TET2: variants seen among roughly 807,000 people sequenced by gnomAD.
TET2 encodes the protein methylcytosine dioxygenase TET2.
In TET2, 299 loss-of-function variants were observed where a neutral mutation model predicts 142.9. That is an observed-to-expected ratio of 2.09 (90% CI 1.90 to 2.30). The LOEUF is 2.30. Among genes scored for constraint, TET2 ranks in the 30% most tolerant of loss-of-function variants. The probability of loss-of-function intolerance (pLI) is 0.00; values close to 1 mark genes in which losing one functional copy is unlikely to be tolerated. For missense variants in TET2, 2,418 were observed against 2,378.0 expected (o/e 1.02, Z -0.35); for synonymous variants, 819 against 849.0 (o/e 0.96, Z 0.61).
At chr4:105,193,658 AAGAG>A (rs761623959) in intron 2 of TET2, among the ~76,000 whole-genome samples, 1 of 152,158 alleles carries the variant, frequency 6.6e-6, no homozygotes, top group Non-Finnish European at 1.5e-5. Flanking sequence ...TAAGAGATAA[AAGAG>A]AGGAGTCAAA....
intron 8 of TET2, among the ~76,000 whole-genome samples, chr4:105,268,223 A>G (rs1352711754): frequency 6.6e-6 from 1 of 152,230 alleles, no homozygotes; most frequent in African/African-American, 2.4e-5. Flanking sequence ...TGAATTTAGC[A>G]AAGTTGTGAA....
At chr4:105,266,681 T>G (rs1730694255) in intron 8 of TET2, among the ~76,000 whole-genome samples, 1 of 151,914 alleles carries the variant, frequency 6.6e-6, no homozygotes, top group Admixed American at 6.6e-5. Flanking sequence ...ATTAAGGAAC[T>G]TGAAGACATA....
chr4:105,170,807 T>C (rs1238849038), intron 1 of TET2, among the ~76,000 whole-genome samples: 1 of 152,176 alleles, frequency 6.6e-6, no homozygotes, highest in Non-Finnish European at 1.5e-5. Flanking sequence ...CCTCAAAATA[T>C]AAACATGATG....
At chr4:105,192,589 CT>C (rs1265940591) in intron 2 of TET2, among the ~76,000 whole-genome samples, 7 of 151,958 alleles carry the variant, frequency 4.6e-5, no homozygotes, top group African/African-American at 1.7e-4. Context: ...ATTAATGTTG[CT>C]TTTAGTTTTT....
chr4:105,203,085 A>C (rs1425682522), intron 2 of TET2, among the ~76,000 whole-genome samples: 1 of 152,248 alleles, frequency 6.6e-6, no homozygotes, highest in African/African-American at 2.4e-5. Flanking sequence ...CATGGTAGGT[A>C]ATTAATAAAT....
rs1339287432 is a variant in TET2 at position 105,243,727 on chromosome 4, C to T, written c.3752C>T (p.Thr1251Met). 5 of 1,551,432 alleles carry T rather than the reference C, an allele frequency of 3.2e-6. No individual in the cohort carries two copies. Among genetic ancestry groups the T allele is most frequent in the East Asian group, 2.4e-5 (1 of 40,934 alleles). The change falls in exon 6 of 11, where the codon ACG becomes ATG. Residue 1251 changes from threonine (T) to methionine (M), a missense_variant. Transcript: ENST00000380013. ...AAACTCTACTCGGAGCTTACCGAGA[C>T]GCTGAGGAAATACGGCACGCTCACC... ...ADKLYSELTE[T>M]LRKYGTLTNR...
intron 2 of TET2, among the ~76,000 whole-genome samples, chr4:105,204,965 T>G (rs1268542035): frequency 6.6e-6 from 1 of 152,162 alleles, no homozygotes; most frequent in Non-Finnish European, 1.5e-5. Flanking sequence ...TTACTTTTCC[T>G]TTCTTTGCTT....
At chr4:105,156,969 A>G (rs1723598405) in intron 1 of TET2, among the ~76,000 whole-genome samples, 1 of 152,190 alleles carries the variant, frequency 6.6e-6, no homozygotes, top group African/African-American at 2.4e-5. Context: ...CATTGGCTGT[A>G]AAGTTATCTC....
chr4:105,232,714 A>G (rs1042580304), intron 2 of TET2, among the ~76,000 whole-genome samples: 5 of 152,334 alleles, frequency 3.3e-5, no homozygotes, highest in African/African-American at 1.2e-4. Context: ...ACTGTAAGAG[A>G]GAGTAGGAGG....
At chr4:105,247,660 C>T (rs1392885496) in intron 6 of TET2, among the ~76,000 whole-genome samples, 1 of 150,588 alleles carries the variant, frequency 6.6e-6, no homozygotes, top group African/African-American at 2.4e-5. Context: ...TAACCTATTC[C>T]TCTATCCCCA....
chr4:105,272,699 C>CG lies in TET2; in HGVS notation c.4320dup (p.Ser1441GlufsTer37). 6.4e-7 allele frequency: 1 copy of CG among 1,551,674 alleles called. No homozygotes were observed. The highest frequency in any genetic ancestry group is 8.7e-7 in the Non-Finnish European group (1 of 1,146,990). ...TGTGGAAGCTCAGGAGGAGAAAAAA[C>CG]GGAGTGGTGCCATTCAGGTACTGAG... is the stretch of plus-strand genomic sequence containing the variant. On this transcript the variant is annotated frameshift_variant, in exon 10 of 11. Transcript: ENST00000380013. LOFTEE classifies it high-confidence loss of function.
In TET2 at chr4:105,241,423, A is replaced by T; in HGVS notation, c.3494A>T (p.Glu1165Val). The T allele has an allele frequency of 6.5e-7, 1 of 1,549,742 alleles. No individual in the cohort carries two copies. Among genetic ancestry groups the T allele is most frequent in the Non-Finnish European group, 8.7e-7 (1 of 1,146,484 alleles). The change falls in exon 4 of 11, where the codon GAA (glutamate) becomes GTA (valine). Residue 1165 changes from glutamate (E) to valine (V), a missense_variant. Glu to Val is a moderately radical substitution (Grantham distance 121). Transcript: ENST00000380013. ...GTGGCAGCTATTAGAGAAATCATGG[A>T]AGAAAGGTAATTAACGCAAAGGCAC... is the stretch of plus-strand genomic sequence containing the variant. ...PNVAAIREIM[E>V]ERFGQKGKAI...
At chr4:105,154,120 T>C (rs1723446244) in intron 1 of TET2, among the ~76,000 whole-genome samples, 2 of 152,204 alleles carry the variant, frequency 1.3e-5, no homozygotes, top group Admixed American at 6.5e-5. Context: ...TAGTTATTAC[T>C]AGGGGCTAGG....
At chr4:105,229,653 A>T (rs1199908013) in intron 2 of TET2, among the ~76,000 whole-genome samples, 8 of 128,578 alleles carry the variant, frequency 6.2e-5, no homozygotes, top group South Asian at 4.7e-4. Context: ...GAAGTTATTT[A>T]AAAAAAAAAA....
At chr4:105,173,845 T>G (rs1288086625) in intron 1 of TET2, among the ~76,000 whole-genome samples, 1 of 152,186 alleles carries the variant, frequency 6.6e-6, no homozygotes, top group Non-Finnish European at 1.5e-5. Context: ...TAATGGAGAT[T>G]AATATTGGTT....
intron 2 of TET2, among the ~76,000 whole-genome samples, chr4:105,209,567 G>T (rs1349626316): frequency 6.6e-6 from 1 of 152,042 alleles, no homozygotes; most frequent in Non-Finnish European, 1.5e-5. Flanking sequence ...TACCAAGTTG[G>T]TTTGTCACAA....
chr4:105,158,833 A>T (rs1723692146), intron 1 of TET2, among the ~76,000 whole-genome samples: 1 of 152,036 alleles, frequency 6.6e-6, no homozygotes, highest in African/African-American at 2.4e-5. Context: ...GAAAGAAAAG[A>T]CAAATAAATC....
At chr4:105,241,197 A>G (rs1048210177) in intron 3 of TET2, 142 bp from the exon 4 acceptor site, 32 of 1,330,006 alleles carry the variant, frequency 2.4e-5, no homozygotes, top group African/African-American at 2.4e-4. Flanking sequence ...CAGTCCATCA[A>G]TCTACTCATT....
At chr4:105,196,998 A>C (rs1486690025) in intron 2 of TET2, among the ~76,000 whole-genome samples, 1 of 152,158 alleles carries the variant, frequency 6.6e-6, no homozygotes, top group Non-Finnish European at 1.5e-5. Context: ...GAGGTGTGGG[A>C]GTCGAGTAGT....
Sources: allele counts gnomAD v4.1 joint callset (sites outside exome capture counted in the v4.1 genomes callset), GRCh38; gene constraint gnomAD v4.1.1; transcripts MANE v1.5; gene names NCBI Gene and HGNC (gene_info 2026-07-23, HGNC 2026-07-21).